The following NAALADL2 variants were observed in gnomAD, a reference collection of about 807,000 sequenced individuals.
NAALADL2 encodes the protein N-acetylated alpha-linked acidic dipeptidase like 2.
Under a neutral mutation model 87.2 loss-of-function variants are expected in NAALADL2, and 76 were observed. The ratio of observed to expected loss-of-function variants is 0.87; its 90% CI spans 0.72 to 1.05. The LOEUF is 1.05. Ranked by LOEUF, NAALADL2 falls within the 50% of genes least tolerant of loss-of-function variation. The pLI is 0.00. For synonymous variants in NAALADL2, 354 were observed against 331.0 expected, an observed-to-expected ratio of 1.07 and a Z score of -0.75; for missense variants, 1,089 against 945.8, an observed-to-expected ratio of 1.15 and a Z score of -1.99.
At chr3:174,511,680 T>C (rs1328207050) in intron 1 of NAALADL2, among the ~76,000 whole-genome samples, 1 of 151,932 alleles carries the variant, frequency 6.6e-6, no homozygotes, top group Non-Finnish European at 1.5e-5. Context: ...CTTAAATCTA[T>C]CTTGGTGTTT....
rs567947846 is a variant in NAALADL2 at position 175,438,079 on chromosome 3, GACAAA to G, written c.1091-9142_1091-9138del. Among the ~76,000 whole-genome samples the G allele has an allele frequency of 1.9e-4, 29 of 152,112 alleles. 2 individuals are homozygous for G. The South Asian group carries it at 5.8e-3, about 30-fold the overall frequency. On this transcript the variant is annotated intron_variant, in intron 5 of 13. Transcript: ENST00000454872. ...ATCATGAATTTTAGGCTTACAATTA[GACAAA>G]ACAAAACTATTCATTTAAACTTCAG...
chr3:175,526,529 A>G (rs998282433), intron 9 of NAALADL2, among the ~76,000 whole-genome samples: 4 of 152,106 alleles, frequency 2.6e-5, no homozygotes, highest in African/African-American at 7.2e-5. Context: ...TTTTCTTTCT[A>G]TAGTATCTGT....
chr3:174,908,618 A>G (rs1409794543), intron 1 of NAALADL2, among the ~76,000 whole-genome samples: 1 of 152,142 alleles, frequency 6.6e-6, no homozygotes, highest in Non-Finnish European at 1.5e-5. Flanking sequence ...CTTAGTATTC[A>G]TTAGAAATAT....
intron 1 of NAALADL2, among the ~76,000 whole-genome samples, chr3:174,466,779 G>A (rs186371044): frequency 1.1e-4 from 16 of 152,168 alleles, no homozygotes; most frequent in Admixed American, 6.5e-4. Context: ...AACAAACTTC[G>A]GGTTGGAGGG....
chr3:175,542,677 C>T (rs1297971531), intron 9 of NAALADL2, among the ~76,000 whole-genome samples: 2 of 152,092 alleles, frequency 1.3e-5, no homozygotes, highest in Admixed American at 6.6e-5. Flanking sequence ...TTCAATTTGA[C>T]TTTGATTGCA....
intron 2 of NAALADL2, among the ~76,000 whole-genome samples, chr3:175,143,627 A>G (rs12630474): frequency 0.22 from 33,937 of 151,442 alleles, 4,061 homozygotes; most frequent in South Asian, 0.33. Context: ...CTAGCATAGA[A>G]TAAGACAGGC....
intron 3 of NAALADL2, among the ~76,000 whole-genome samples, chr3:174,754,594 C>A (rs551280527): frequency 1.3e-5 from 2 of 151,548 alleles, no homozygotes; most frequent in East Asian, 3.9e-4. Context: ...TCAAAGCAGG[C>A]TACATCATGC....
chr3:174,924,641 T>C (rs1057051457), intron 1 of NAALADL2, among the ~76,000 whole-genome samples: 4 of 152,120 alleles, frequency 2.6e-5, no homozygotes, highest in Non-Finnish European at 5.9e-5. Context: ...CGCCACACTG[T>C]CTTCCACAAT....
chr3:174,826,975 CTTA>C (rs903012477), intron 3 of NAALADL2, among the ~76,000 whole-genome samples: 105 of 152,230 alleles, frequency 6.9e-4, no homozygotes, highest in African/African-American at 2.4e-3. Context: ...TAAAAGCACT[CTTA>C]TTATAACTAG....
rs750580723 is a variant in NAALADL2 at position 175,234,094 on chromosome 3, G to A, written c.709G>A (p.Gly237Ser). Reference protein sequence around the residue: ...SPSTVTLSSSGQCFHPNGQPC... With the variant: ...SPSTVTLSSSSQCFHPNGQPC... The stretch of plus-strand genomic sequence containing the variant: ...CAGCACTGTGACTCTGAGCAGCAGT[G>A]GTCAATGCTTTCATCCTAATGGCCA... The change falls in exon 3 of 14, where the codon GGT becomes AGT. Residue 237 changes from glycine to serine, a missense_variant. Transcript: ENST00000454872. 1.6e-5 allele frequency: 26 copies of A among 1,613,848 alleles called. No individual in the cohort carries two copies. Among genetic ancestry groups the A allele is most frequent in the South Asian group, 4.4e-5 (4 of 91,078 alleles).
intron 5 of NAALADL2, among the ~76,000 whole-genome samples, chr3:175,369,360 A>C (rs59881980): frequency 0.25 from 36,843 of 148,026 alleles, 4,832 homozygotes; most frequent in East Asian, 0.49. Context: ...TATACATGTT[A>C]CATTTACATA....
At chr3:175,447,529 T>A (rs561542772) in intron 6 of NAALADL2, among the ~76,000 whole-genome samples, 157 bp downstream of exon 6, 2 of 152,196 alleles carry the variant, frequency 1.3e-5, no homozygotes, top group Admixed American at 1.3e-4. Context: ...TTTAGCAGCA[T>A]GTTTGGAAAG....
At chr3:174,905,572 A>G (rs1732864300) in intron 1 of NAALADL2, among the ~76,000 whole-genome samples, 1 of 152,056 alleles carries the variant, frequency 6.6e-6, no homozygotes, top group Admixed American at 6.6e-5. Context: ...AAAAATAAAA[A>G]CATGTAACTC....
chr3:174,626,290 C>T (rs1578359005), intron 2 of NAALADL2, among the ~76,000 whole-genome samples: 1 of 151,986 alleles, frequency 6.6e-6, no homozygotes, highest in South Asian at 2.1e-4. Flanking sequence ...TTTTCACACC[C>T]TCAATAATTC....
chr3:175,298,887 C>T (rs1756690292), intron 4 of NAALADL2, among the ~76,000 whole-genome samples: 1 of 152,110 alleles, frequency 6.6e-6, no homozygotes. Flanking sequence ...TTGGTTAAAT[C>T]TTTCTATTTC....
At chr3:175,554,176 A>C (rs936204407) in intron 9 of NAALADL2, among the ~76,000 whole-genome samples, 3 of 152,082 alleles carry the variant, frequency 2.0e-5, no homozygotes, top group Non-Finnish European at 4.4e-5. Flanking sequence ...GGAGGATGTT[A>C]GAGGGTGAAG....
At chr3:174,514,698 A>T (rs1279985235) in intron 1 of NAALADL2, among the ~76,000 whole-genome samples, 1 of 151,954 alleles carries the variant, frequency 6.6e-6, no homozygotes, top group Non-Finnish European at 1.5e-5. Flanking sequence ...CTTTCCTCAA[A>T]ATTTTATAAA....
chr3:175,051,393 G>A (rs1755370551), intron 1 of NAALADL2, among the ~76,000 whole-genome samples: 1 of 152,108 alleles, frequency 6.6e-6, no homozygotes, highest in Admixed American at 6.5e-5. Flanking sequence ...CAACATTCAA[G>A]TCTGGACAGG....
rs938513584 is a variant in NAALADL2, at chr3:174,987,499, G to A, written c.44-109291G>A. 8.8e-5 allele frequency among the ~76,000 whole-genome samples: 12 copies of A among 136,150 alleles called. No homozygotes were observed. The East Asian group carries it at 2.6e-3, about 29-fold the overall frequency. The allele number at this position is 136,150 out of a possible 152,430, so 89.3% of individuals were successfully genotyped here. On this transcript the variant is annotated intron_variant, in intron 1 of 13. Coordinates refer to ENST00000454872, the MANE Select transcript of NAALADL2 (RefSeq NM_207015.3). ...CAGGAGAATGGCGTGAACCCGGGAGGCGGAGCTTGCAGTGAGCCGAGATTG... is the reference window on the plus strand; with the variant it reads ...CAGGAGAATGGCGTGAACCCGGGAGACGGAGCTTGCAGTGAGCCGAGATTG...
Sources: gnomAD v4.1 joint callset for allele counts (sites outside exome capture counted in the v4.1 genomes callset) on GRCh38, gnomAD v4.1.1 for gene constraint, MANE v1.5 for transcripts, NCBI Gene and HGNC (gene_info 2026-07-23, HGNC 2026-07-21) for gene names.